PTOV1: variants seen among roughly 807,000 people sequenced by gnomAD.
The protein encoded by PTOV1 is prostate tumor-overexpressed gene 1 protein.
PTOV1 carries 20 observed loss-of-function variants against 58.0 expected under a neutral mutation model. That is an observed-to-expected ratio of 0.34 (90% confidence interval 0.24 to 0.50). PTOV1 has a LOEUF of 0.50. Among genes scored for constraint, PTOV1 ranks in the 20% least tolerant of loss-of-function variants. The pLI, the probability that PTOV1 is intolerant of heterozygous loss-of-function variation, is 0.98. For missense variants in PTOV1, 593 were observed against 565.4 expected (o/e 1.05, Z -0.50); for synonymous variants, 335 against 234.2 (o/e 1.43, Z -3.93).
chr19:49,851,533 C>T, intron 1 of PTOV1, 34 bp downstream of exon 1: 2 of 1,132,762 alleles, frequency 1.8e-6, no homozygotes, highest in African/African-American at 1.6e-5. Context: ...GAGCCTTCCA[C>T]GGCCCCGCCC....
exon 7 of PTOV1, chr19:49,857,745 A>C: frequency 6.2e-7 from 1 of 1,614,132 alleles, no homozygotes; most frequent in Non-Finnish European, 8.5e-7. Context: ...GTCAACAACA[A>C]GTTTCTGGCA....
At chr19:49,858,291 A>T (rs1278129913) in intron 9 of PTOV1, 177 bp downstream of exon 9, 2 of 868,630 alleles carry the variant, frequency 2.3e-6, no homozygotes, top group African/African-American at 3.4e-5. Context: ...GGTCCCAGGC[A>T]GCCAGCTGGT....
intron 1 of PTOV1, chr19:49,852,849 A>G (rs1318517562): frequency 1.3e-5 from 2 of 152,142 alleles, no homozygotes; most frequent in African/African-American, 4.8e-5. Context: ...AACAACTTGT[A>G]TGTTGTAAGT....
intron 10 of PTOV1, among the ~76,000 whole-genome samples, chr19:49,859,512 C>T (rs573095263): frequency 2.6e-5 from 4 of 151,470 alleles, no homozygotes; most frequent in East Asian, 3.9e-4. Context: ...GCAGAGGTTG[C>T]AGTGAGCTGA....
At position 49,854,926 on chromosome 19, in the gene PTOV1, C is replaced by T. The variant is rs2278836; in HGVS notation, c.450+38C>T. The T allele has an allele frequency of 8.6e-4, 1,380 of 1,596,320 alleles. 14 individuals are homozygous for T. The African/African-American group carries it at 0.017, about 20-fold the overall frequency. ...CCTCCCACCCCATCCACTCTGAGCA[C>T]CCCCATGCCTGGCTGACCCAGCTGT... On this transcript the variant is annotated intron_variant, in intron 4 of 11. Coordinates refer to ENST00000391842, the Ensembl canonical transcript of PTOV1.
intron 1 of PTOV1, 61 bp downstream of exon 1, chr19:49,851,560 G>A: frequency 1.1e-6 from 1 of 914,584 alleles, no homozygotes; most frequent in Non-Finnish European, 1.3e-6. Flanking sequence ...CCCCTATCCC[G>A]GGCTCACGCC....
chr19:49,853,300 C>G lies in PTOV1; in HGVS notation c.172-1106C>G, dbSNP rs1449977148. The G allele has an allele frequency of 2.6e-5, 4 of 152,194 alleles. No homozygotes were observed. In the East Asian group the frequency reaches 7.7e-4, roughly 29 times the overall value. The allele number at this position is 152,194 out of a possible 1,614,324, so 9.4% of individuals were successfully genotyped here. ...TTACGGGGAAACTCTCGTGGGTTTC[C>G]TGCTGCCAGGCTGTTTGCGGAGCTT... On this transcript the variant is annotated intron_variant, in intron 1 of 11. Transcript: ENST00000391842.
chr19:49,856,073 A>C (rs917444706), intron 5 of PTOV1: 1 of 152,186 alleles, frequency 6.6e-6, no homozygotes, highest in African/African-American at 2.4e-5. Flanking sequence ...GGGTTCCGCT[A>C]GGGCCTCCCT....
intron 1 of PTOV1, chr19:49,851,837 C>T (rs1005032888): frequency 6.0e-6 from 6 of 995,332 alleles, no homozygotes; most frequent in Middle Eastern, 4.9e-4. Context: ...GAGTTGCTCG[C>T]TCTCCGGGCA....
chr19:49,851,706 G>T (rs1005085215), intron 1 of PTOV1: 459 of 1,147,284 alleles, frequency 4.0e-4, no homozygotes, highest in Non-Finnish European at 4.4e-4. Flanking sequence ...GGGCCGGGGT[G>T]GGGGGTTGGG....
intron 5 of PTOV1, chr19:49,856,099 CA>C (rs1232601177): frequency 6.6e-6 from 1 of 152,202 alleles, no homozygotes; most frequent in African/African-American, 2.4e-5. Context: ...CTCAGGAGAC[CA>C]GGGGCAGACC....
chr19:49,860,174 G>T, exon 11 of PTOV1: 1 of 1,614,184 alleles, frequency 6.2e-7, no homozygotes, highest in Non-Finnish European at 8.5e-7. Context: ...AGGAGCAACA[G>T]CAACGAGGGG....
intron 1 of PTOV1, chr19:49,851,848 G>A (rs1248755083): frequency 1.0e-6 from 1 of 990,940 alleles, no homozygotes; most frequent in African/African-American, 1.7e-5. Context: ...TCTCCGGGCA[G>A]GAAACCTGGA....
upstream of PTOV1, chr19:49,850,865 G>C (rs2074211866): frequency 6.5e-7 from 1 of 1,535,456 alleles, no homozygotes; most frequent in Admixed American, 2.0e-5. Flanking sequence ...CTGGCTCTGC[G>C]GGCCCAGGGC....
chr19:49,851,754 C>G, intron 1 of PTOV1: 2 of 1,091,876 alleles, frequency 1.8e-6, no homozygotes, highest in Non-Finnish European at 2.2e-6. Flanking sequence ...CTGCTGACTC[C>G]GCGGCCCGAT....
At chr19:49,860,093 G>A in exon 11 of PTOV1, 3 of 1,614,202 alleles carry the variant, frequency 1.9e-6, no homozygotes, top group Non-Finnish European at 2.5e-6. Context: ...CCCATGACCA[G>A]GGCAACTTTG....
exon 11 of PTOV1, chr19:49,860,004 T>C (rs780961582): frequency 3.7e-6 from 6 of 1,614,162 alleles, no homozygotes; most frequent in Non-Finnish European, 4.2e-6. Flanking sequence ...CGTGCACTTT[T>C]CCTACAAAGC....
chr19:49,858,058 A>G (rs1372646258), exon 9 of PTOV1: 1 of 1,614,062 alleles, frequency 6.2e-7, no homozygotes, highest in South Asian at 1.1e-5. Flanking sequence ...GCCCCACAGG[A>G]GGACCGAGCA....
chr19:49,860,441 A>G, exon 12 of PTOV1: 4 of 1,109,400 alleles, frequency 3.6e-6, no homozygotes, highest in Non-Finnish European at 5.0e-6. Context: ...AGCAGAGCAG[A>G]GGGAGAGGCA....
Sources: allele counts gnomAD v4.1 joint callset (sites outside exome capture counted in the v4.1 genomes callset), GRCh38; gene constraint gnomAD v4.1.1; transcripts MANE v1.5; gene names NCBI Gene and HGNC (gene_info 2026-07-23, HGNC 2026-07-21).